The following MYO15B variants were observed in gnomAD, a reference collection of about 807,000 sequenced individuals.
The protein encoded by MYO15B is myosin XVB pseudogene.
A neutral mutation model predicts 119.3 loss-of-function variants in MYO15B; 207 were observed. The ratio of observed to expected loss-of-function variants is 1.73; its 90% CI spans 1.55 to 1.95. The LOEUF (loss-of-function observed/expected upper bound fraction) is 1.95, where lower values mean the gene tolerates loss of function less well. Among genes scored for constraint, MYO15B ranks in the 30% most tolerant of loss-of-function variants. The pLI is 0.00. For missense variants in MYO15B, 2,264 were observed against 1,203.1 expected (o/e 1.88, Z -13.04); for synonymous variants, 966 against 498.9 (o/e 1.94, Z -12.48).
intron 30 of MYO15B, 58 bp downstream of exon 30, chr17:75,614,418 C>T (rs1237671577): frequency 8.7e-6 from 6 of 685,752 alleles, no homozygotes; most frequent in African/African-American, 3.5e-5. Flanking sequence ...ACCCCACAGC[C>T]ACCCTGCCAC....
chr17:75,626,190 G>A (rs929298720), exon 63 of MYO15B: 6 of 702,978 alleles, frequency 8.5e-6, no homozygotes, highest in Middle Eastern at 2.3e-4. Context: ...CTATGGCTCA[G>A]CTGACAACCC....
At chr17:75,618,000 G>A in intron 42 of MYO15B, 78 bp downstream of exon 42, 1 of 691,470 alleles carries the variant, frequency 1.4e-6, no homozygotes, top group Non-Finnish European at 2.7e-6. Context: ...TCCCAGCCTG[G>A]GACCCCAGCA....
chr17:75,595,002 G>C (rs1598725504), intron 12 of MYO15B, 30 bp downstream of exon 12: 1 of 701,824 alleles, frequency 1.4e-6, no homozygotes. Context: ...CCCAGGAAAG[G>C]GGGCACCCAT....
chr17:75,621,937 C>T, intron 52 of MYO15B, 67 bp from the exon 53 acceptor site: 1 of 692,264 alleles, frequency 1.4e-6, no homozygotes, highest in Non-Finnish European at 2.6e-6. Context: ...TGCACAGCAA[C>T]AGCATGAGCC....
At chr17:75,614,432 CAG>C (rs1183433486) in intron 30 of MYO15B, 72 bp downstream of exon 30, 11 of 681,582 alleles carry the variant, frequency 1.6e-5, no homozygotes, top group Middle Eastern at 3.0e-4. Flanking sequence ...CTGCCACACT[CAG>C]GGGTTTATAG....
At chr17:75,620,717 G>T (rs947714871) in intron 49 of MYO15B, 81 bp downstream of exon 49, 1 of 691,858 alleles carries the variant, frequency 1.4e-6, no homozygotes, top group Non-Finnish European at 2.6e-6. Flanking sequence ...CACTCCCGAG[G>T]CTGCCATGCG....
chr17:75,591,307 G>A (rs1207619268), intron 4 of MYO15B, 61 bp downstream of exon 4: 12 of 691,846 alleles, frequency 1.7e-5, no homozygotes, highest in African/African-American at 3.5e-5. Context: ...TGATGGGGCG[G>A]GGCCTGAGGT....
chr17:75,609,879 C>T (rs535325553), intron 21 of MYO15B, among the ~76,000 whole-genome samples: 27 of 151,614 alleles, frequency 1.8e-4, no homozygotes, highest in East Asian at 9.8e-4. Flanking sequence ...TTTTAGTAGA[C>T]GGGGTTTCAC....
In MYO15B at chr17:75,605,790, G is replaced by A. The variant is rs2057606859; in HGVS notation, c.4135-74G>A. Reference sequence around the variant, plus strand: ...CAAATGGTTTGGCTGGAAGGGAGGAGGCTGAGACCAGAGGAGGAGAGCAGG... The same window carrying A: ...CAAATGGTTTGGCTGGAAGGGAGGAAGCTGAGACCAGAGGAGGAGAGCAGG... On this transcript the variant is annotated intron_variant, in intron 20 of 63. Transcript: ENST00000645453. 4 of 648,262 alleles carry A rather than the reference G, an allele frequency of 6.2e-6. No individual in the cohort carries two copies. The East Asian group carries it at 1.1e-4, about 18-fold the overall frequency. The allele number at this position is 648,262 out of a possible 1,614,324, so 40.2% of individuals were successfully genotyped here.
At position 75,589,642 on chromosome 17, in the gene MYO15B, G is replaced by C. The variant is rs1233464338; in HGVS notation, c.1585G>C (p.Gly529Arg). The change falls in exon 1 of 64, where the codon GGC (glycine) becomes CGC (arginine). Residue 529 changes from glycine (G) to arginine (R), a missense_variant. Transcript: ENST00000645453. This position sits in a 1 kb window ranked among gnomAD's most constrained non-coding sequence, Gnocchi z 4.2. ...GCAGGTCCCGACAAGCCCAGTCCCC[G>C]GCGACCCTTTTGATCAGGAGGACGA... 7 of 398,776 alleles carry C rather than the reference G, an allele frequency of 1.8e-5. No individual in the cohort carries two copies. The Admixed American group carries it at 2.6e-4, about 15-fold the overall frequency. The allele number at this position is 398,776 out of a possible 1,614,324, so 24.7% of individuals were successfully genotyped here.
At chr17:75,591,607 C>T (rs913298802) in exon 5 of MYO15B, 2 of 702,794 alleles carry the variant, frequency 2.8e-6, no homozygotes, top group Admixed American at 2.0e-5. Flanking sequence ...TTAGCTCCTC[C>T]CACTGCAGTG....
chr17:75,609,290 G>A (rs2057853928), intron 21 of MYO15B, among the ~76,000 whole-genome samples: 1 of 150,922 alleles, frequency 6.6e-6, no homozygotes, highest in Non-Finnish European at 1.5e-5. Context: ...TCCTACCTCA[G>A]CCTCCCAAGT....
intron 55 of MYO15B, 41 bp downstream of exon 55, chr17:75,624,105 C>T (rs2058872530): frequency 2.8e-6 from 2 of 702,748 alleles, no homozygotes; most frequent in East Asian, 2.7e-5. Context: ...GCAGGGGTTT[C>T]TAGGACTGGG....
intron 21 of MYO15B, among the ~76,000 whole-genome samples, chr17:75,608,145 A>G (rs2057772930): frequency 6.6e-6 from 1 of 151,692 alleles, no homozygotes; most frequent in African/African-American, 2.4e-5. Context: ...TTGAGACAGA[A>G]TCTCGCTCTG....
intron 21 of MYO15B, 36 bp from the exon 22 acceptor site, chr17:75,610,130 C>G (rs1347501836): frequency 4.4e-6 from 3 of 679,394 alleles, no homozygotes; most frequent in East Asian, 5.5e-5. Context: ...TAAGTTTGGA[C>G]TCTTCATTTC....
chr17:75,588,543 C>T, exon 1 of MYO15B: 1 of 398,648 alleles, frequency 2.5e-6, no homozygotes, highest in Non-Finnish European at 4.4e-6. Flanking sequence ...GTCCGGACAG[C>T]GAAACCCGCG....
At chr17:75,622,040 G>A (rs868833973) in exon 53 of MYO15B, 24 of 702,850 alleles carry the variant, frequency 3.4e-5, no homozygotes, top group African/African-American at 2.4e-4. Flanking sequence ...TCCAAGCCCC[G>A]GGGCAAGGAT....
chr17:75,595,668 T>C (rs1253130600), intron 12 of MYO15B, among the ~76,000 whole-genome samples: 1 of 152,210 alleles, frequency 6.6e-6, no homozygotes, highest in African/African-American at 2.4e-5. Context: ...TGGCCTGTCC[T>C]CCGTGGCCTT....
At position 75,610,893 on chromosome 17, in the gene MYO15B, C is replaced by T. The variant is rs1188778815; in HGVS notation, c.4387-7C>T. 1.4e-6 allele frequency: 1 copy of T among 703,026 alleles called. No homozygotes were observed. The highest frequency in any genetic ancestry group is 2.0e-5 in the Admixed American group (1 of 50,020). The allele number at this position is 703,026 out of a possible 1,614,324, so 43.5% of individuals were successfully genotyped here. ...GGCATCAGCTCTTCCCACATCTCTT[C>T]CAACAGCTTGGGCGTTGGCAGGGCT... On this transcript the variant is annotated splice_polypyrimidine_tract_variant and splice_region_variant and intron_variant, in intron 22 of 63. Transcript: ENST00000645453.
Sources: allele counts gnomAD v4.1 joint callset (sites outside exome capture counted in the v4.1 genomes callset), GRCh38; gene constraint gnomAD v4.1.1; non-coding constraint Gnocchi (gnomAD v3.1); transcripts MANE v1.5; gene names NCBI Gene and HGNC (gene_info 2026-07-23, HGNC 2026-07-21).